PRKN: variants seen among roughly 807,000 people sequenced by gnomAD.
PRKN encodes parkin RBR E3 ubiquitin protein ligase.
A neutral mutation model predicts 59.5 loss-of-function variants in PRKN; 56 were observed. The ratio of observed to expected loss-of-function variants is 0.94; its 90% confidence interval spans 0.76 to 1.18. The LOEUF is 1.18. Ranked by LOEUF, PRKN falls within the 50% of genes most tolerant of loss-of-function variation. PRKN has a pLI of 0.00. For synonymous variants in PRKN, 250 were observed against 222.1 expected (o/e 1.13, Z -1.12); for missense variants, 657 against 596.4 (o/e 1.10, Z -1.06).
rs1790032124 is a variant in PRKN, at chr6:161,457,657, G to T, written c.1084-70780C>A. Among the ~76,000 whole-genome samples, 2 of 152,136 alleles carry T rather than the reference G, an allele frequency of 1.3e-5. No individual in the cohort carries two copies. Among genetic ancestry groups the T allele is most frequent in the African/African-American group, 4.8e-5 (2 of 41,436 alleles). ...GATACATTACTGAAAACTCCAAGAA[G>T]GTCAGAAAGCAAAATCAAGGAATAT... On this transcript the variant is annotated intron_variant, in intron 9 of 11. Transcript: ENST00000366898. This position sits in a 1 kb window ranked among gnomAD's most constrained non-coding sequence, Gnocchi z 5.0.
intron 6 of PRKN, among the ~76,000 whole-genome samples, chr6:161,795,131 G>A (rs1006656367): frequency 4.0e-5 from 6 of 151,712 alleles, no homozygotes; most frequent in African/African-American, 1.5e-4. Context: ...TGATCCACCC[G>A]CCTCGGCCTC....
chr6:162,525,797 T>C (rs959785879), intron 1 of PRKN, among the ~76,000 whole-genome samples: 15 of 152,226 alleles, frequency 9.9e-5, no homozygotes, highest in African/African-American at 3.4e-4. Context: ...TGAGATGTCA[T>C]CGGTTAAATC....
intron 7 of PRKN, among the ~76,000 whole-genome samples, chr6:161,704,576 A>G (rs1350248978): frequency 1.3e-5 from 2 of 152,090 alleles, no homozygotes; most frequent in African/African-American, 4.8e-5. Flanking sequence ...AGGGCTTTAC[A>G]AACTGTCAAA....
At chr6:161,542,498 G>A (rs909531573) in intron 9 of PRKN, among the ~76,000 whole-genome samples, 2 of 152,208 alleles carry the variant, frequency 1.3e-5, no homozygotes, top group Non-Finnish European at 2.9e-5. Context: ...ACTCTCCAAA[G>A]CTTTCCATCT....
At chr6:162,698,987 C>T (rs1286606540) in intron 1 of PRKN, among the ~76,000 whole-genome samples, 1 of 152,084 alleles carries the variant, frequency 6.6e-6, no homozygotes. Flanking sequence ...CTCTTCATTT[C>T]CATTAAAAGG....
chr6:162,070,798 C>T lies in PRKN; in HGVS notation c.535-16624G>A, dbSNP rs144349086. On this transcript the variant is annotated intron_variant, in intron 4 of 11. Coordinates refer to ENST00000366898, the MANE Select transcript of PRKN (RefSeq NM_004562.3). The stretch of plus-strand genomic sequence containing the variant: ...GAATCTCATGCTGCCACTGATTTGA[C>T]AGGAGGTGGAGCTCGGGCTGTAATG... 2.6e-5 allele frequency among the ~76,000 whole-genome samples: 4 copies of T among 152,272 alleles called. No individual in the cohort carries two copies. In the East Asian group the frequency reaches 7.8e-4, roughly 30 times the overall value.
chr6:162,672,948 G>A (rs1779389871), intron 1 of PRKN, among the ~76,000 whole-genome samples: 1 of 152,180 alleles, frequency 6.6e-6, no homozygotes, highest in African/African-American at 2.4e-5. Context: ...AGAAAAGATT[G>A]TGGATGTGGA....
At position 161,397,983 on chromosome 6, in the gene PRKN, GA is replaced by G. The variant is rs1346173833; in HGVS notation, c.1084-11107del. On this transcript the variant is annotated intron_variant, in intron 9 of 11. Transcript: ENST00000366898. This position sits in a 1 kb window ranked among gnomAD's most constrained non-coding sequence, Gnocchi z 4.2. ...CAGTTTGAAAACAGCAAAAGATGAT[GA>G]AAAGAGAGAGAATGAAGACGCTAGC... Among the ~76,000 whole-genome samples the G allele has an allele frequency of 6.6e-6, 1 of 152,150 alleles. No individual in the cohort carries two copies. The highest frequency in any genetic ancestry group is 2.4e-5 in the African/African-American group (1 of 41,430).
chr6:162,682,927 G>T (rs1779826745), intron 1 of PRKN, among the ~76,000 whole-genome samples: 1 of 152,006 alleles, frequency 6.6e-6, no homozygotes, highest in Non-Finnish European at 1.5e-5. Flanking sequence ...TACAAATAAG[G>T]TATACAGCTT....
intron 4 of PRKN, among the ~76,000 whole-genome samples, chr6:162,140,339 G>A (rs1160441445): frequency 2.0e-5 from 3 of 152,122 alleles, no homozygotes; most frequent in Non-Finnish European, 2.9e-5. Flanking sequence ...GCAAACACAC[G>A]ACTCTTTCAA....
At chr6:161,986,185 A>C (rs1314499092) in intron 5 of PRKN, among the ~76,000 whole-genome samples, 2 of 152,198 alleles carry the variant, frequency 1.3e-5, no homozygotes, top group Non-Finnish European at 2.9e-5. Flanking sequence ...CTTAATCTGC[A>C]TGTAATTACA....
chr6:162,229,244 CA>C (rs1281668689), intron 3 of PRKN, among the ~76,000 whole-genome samples: 2 of 152,142 alleles, frequency 1.3e-5, no homozygotes, highest in Non-Finnish European at 2.9e-5. Flanking sequence ...CCCATCCCAA[CA>C]AAAACACCCC....
chr6:161,431,978 T>A (rs1210052723), intron 9 of PRKN, among the ~76,000 whole-genome samples: 3 of 152,256 alleles, frequency 2.0e-5, no homozygotes, highest in African/African-American at 7.2e-5. Context: ...CAATGTTTGA[T>A]CATGAATAAA....
At chr6:161,761,484 C>T (rs866037861) in intron 7 of PRKN, among the ~76,000 whole-genome samples, 1 of 152,164 alleles carries the variant, frequency 6.6e-6, no homozygotes, top group African/African-American at 2.4e-5. Context: ...ACCAGATGCA[C>T]AAGTTACAGT....
intron 5 of PRKN, among the ~76,000 whole-genome samples, chr6:162,048,709 A>G (rs1777492405): frequency 7.3e-6 from 1 of 136,786 alleles, no homozygotes; most frequent in African/African-American, 2.7e-5. Flanking sequence ...AGCACCAAAA[A>G]TAGCTGATGA....
intron 7 of PRKN, among the ~76,000 whole-genome samples, chr6:161,671,379 C>T (rs994426969): frequency 2.6e-5 from 4 of 152,194 alleles, no homozygotes; most frequent in Non-Finnish European, 4.4e-5. Flanking sequence ...AGACCCCCCA[C>T]TGCAACCGGC....
At chr6:162,522,246 C>T (rs1190115876) in intron 1 of PRKN, among the ~76,000 whole-genome samples, 1 of 152,220 alleles carries the variant, frequency 6.6e-6, no homozygotes, top group African/African-American at 2.4e-5. Flanking sequence ...AACTCAGCCT[C>T]CCAAGTAGCT....
chr6:162,145,728 G>C (rs945032127), intron 4 of PRKN, among the ~76,000 whole-genome samples: 8 of 152,164 alleles, frequency 5.3e-5, no homozygotes, highest in Admixed American at 5.2e-4. Context: ...TGTAAATACA[G>C]TGTTGGCCCG....
chr6:161,707,295 A>C (rs1002833932), intron 7 of PRKN, among the ~76,000 whole-genome samples: 10 of 152,168 alleles, frequency 6.6e-5, no homozygotes, highest in Admixed American at 2.0e-4. Flanking sequence ...ACAGAGATTA[A>C]TTCTGAGTAG....
Sources: allele counts gnomAD v4.1 joint callset (sites outside exome capture counted in the v4.1 genomes callset), GRCh38; gene constraint gnomAD v4.1.1; non-coding constraint Gnocchi (gnomAD v3.1); transcripts MANE v1.5; gene names NCBI Gene and HGNC (gene_info 2026-07-23, HGNC 2026-07-21).